Variants in EVX2 observed in about 807,000 individuals in gnomAD.
EVX2 encodes even-skipped homeobox 2, also known as homeobox even-skipped homolog protein 2.
Under a neutral mutation model 19.2 loss-of-function variants are expected in EVX2, and 10 were observed. The observed-to-expected ratio is 0.52, with a 90% CI of 0.32 to 0.89. The LOEUF (loss-of-function observed/expected upper bound fraction) is 0.89, where lower values mean the gene tolerates loss of function less well. Ranked by LOEUF, EVX2 falls within the 40% of genes least tolerant of loss-of-function variation. The pLI, the probability that EVX2 is intolerant of heterozygous loss-of-function variation, is 0.03. For synonymous variants in EVX2, 354 were observed against 328.4 expected, an observed-to-expected ratio of 1.08 and a Z score of -0.84; for missense variants, 710 against 694.9, an observed-to-expected ratio of 1.02 and a Z score of -0.24.
In EVX2 at chr2:176,082,004, C is replaced by A. The variant is rs776899638; in HGVS notation, c.699+174G>T. ...TCTTAGATCCGTCAGGCCGGACAAC[C>A]GTTCGGATTCGGTGGCCGGGAAATA... On this transcript the variant is annotated intron_variant, in intron 2 of 2. Coordinates refer to ENST00000308618, the MANE Select transcript of EVX2 (RefSeq NM_001080458.2). This position sits in a 1 kb window ranked among gnomAD's most constrained non-coding sequence, Gnocchi z 5.2. Among the ~76,000 whole-genome samples the A allele has an allele frequency of 1.3e-5, 2 of 152,222 alleles. No individual in the cohort carries two copies. The highest frequency in any genetic ancestry group is 2.9e-5 in the Non-Finnish European group (2 of 68,050).
In EVX2 at chr2:176,081,764, C is replaced by A. The variant is rs560517107; in HGVS notation, c.699+414G>T. On this transcript the variant is annotated intron_variant, in intron 2 of 2. Transcript: ENST00000308618. The surrounding 1 kb of genome is among the most constrained non-coding windows in gnomAD (Gnocchi z 5.9). Reference sequence around the variant, plus strand: ...TTTTAAAGATACAGTATCCTTTTCTCCGTGTAACGATTTATGCGGAAAATA... The same window carrying A: ...TTTTAAAGATACAGTATCCTTTTCTACGTGTAACGATTTATGCGGAAAATA... 6.6e-6 allele frequency among the ~76,000 whole-genome samples: 1 copy of A among 152,308 alleles called. No homozygotes were observed. The highest frequency in any genetic ancestry group is 1.9e-4 in the East Asian group (1 of 5,176).
rs763418729 is a variant in EVX2, at chr2:176,080,799, G to T, written c.739C>A (p.Arg247Ser). The change falls in exon 3 of 3, where the codon CGC (arginine) becomes AGC (serine). Residue 247 changes from arginine to serine, a missense_variant. Transcript: ENST00000308618. The surrounding 1 kb of genome is among the most constrained non-coding windows in gnomAD (Gnocchi z 7.0). ...GGGTGCGGCCAGGACATGGCCAGGC[G>T]CTGCCGCTTGTCCTTCATGCGCCGG... Reference protein sequence around the residue: ...QNRRMKDKRQRLAMSWPHPAD... With the variant: ...QNRRMKDKRQSLAMSWPHPAD... The T allele has an allele frequency of 6.2e-7, 1 of 1,612,110 alleles. No homozygotes were observed. Among genetic ancestry groups the T allele is most frequent in the African/African-American group, 1.3e-5 (1 of 74,998 alleles).
Position 176,082,103 on chromosome 2 carries a change from G to C in EVX2, c.699+75C>G. 7 of 1,435,278 alleles carry C rather than the reference G, an allele frequency of 4.9e-6. No homozygotes were observed. Among genetic ancestry groups the C allele is most frequent in the Non-Finnish European group, 6.4e-6 (7 of 1,091,902 alleles). 88.9% of individuals were successfully genotyped at this position (1,435,278 alleles called of 1,614,324 possible). A position where few individuals can be genotyped will look rare whatever the true frequency, so the allele number is the denominator to read the frequency against. On this transcript the variant is annotated intron_variant, in intron 2 of 2. Coordinates refer to ENST00000308618, the MANE Select transcript of EVX2 (RefSeq NM_001080458.2). This position sits in a 1 kb window ranked among gnomAD's most constrained non-coding sequence, Gnocchi z 5.2. Reference sequence around the variant, plus strand: ...TAGCTAAATCTAGCCACCCAGAAAGGGGAAAGGGGAAAAAGAAACAATCAA... The same window carrying C: ...TAGCTAAATCTAGCCACCCAGAAAGCGGAAAGGGGAAAAAGAAACAATCAA...
At position 176,080,895 on chromosome 2, in the gene EVX2, C is replaced by G; in HGVS notation, c.700-57G>C. 1.9e-6 allele frequency: 3 copies of G among 1,558,080 alleles called. No individual in the cohort carries two copies. Among genetic ancestry groups the G allele is most frequent in the Non-Finnish European group, 2.6e-6 (3 of 1,154,974 alleles). ...AGGGAGCGCCCCGTGTTCCCAGCTC[C>G]TGTCCCAGGACCTCTGCCCCTTCCG... is the stretch of plus-strand genomic sequence containing the variant. On this transcript the variant is annotated intron_variant, in intron 2 of 2. Transcript: ENST00000308618. The surrounding 1 kb of genome is among the most constrained non-coding windows in gnomAD (Gnocchi z 7.0).
Position 176,083,293 on chromosome 2 carries a change from G to T in EVX2, c.427+57C>A. 3 of 1,501,982 alleles carry T rather than the reference G, an allele frequency of 2.0e-6. No individual in the cohort carries two copies. Among genetic ancestry groups the T allele is most frequent in the South Asian group, 1.3e-5 (1 of 78,622 alleles). The allele number at this position is 1,501,982 out of a possible 1,614,324, so 93.0% of individuals were successfully genotyped here. On this transcript the variant is annotated intron_variant, in intron 1 of 2. Transcript: ENST00000308618. The surrounding 1 kb of genome is among the most constrained non-coding windows in gnomAD (Gnocchi z 4.4). ...AAGGCACCGGGAAAGGCTGGCGGGGGCCGCGGAGGAGCAAAGAGGATGGGA... is the reference window on the plus strand; with the variant it reads ...AAGGCACCGGGAAAGGCTGGCGGGGTCCGCGGAGGAGCAAAGAGGATGGGA...
At position 176,080,093 on chromosome 2, in the gene EVX2, C is replaced by T. The variant is rs889052893; in HGVS notation, c.*14G>A. 6.6e-7 allele frequency: 1 copy of T among 1,508,694 alleles called. No homozygotes were observed. The highest frequency in any genetic ancestry group is 2.1e-5 in the Admixed American group (1 of 48,112). 93.5% of individuals were successfully genotyped at this position (1,508,694 alleles called of 1,614,324 possible). Reference sequence around the variant, plus strand: ...CAGAGAGGCGGGCGCGGCCCCCTGGCGGTGGCGACGTAGTTATCTGGTGAG... The same window carrying T: ...CAGAGAGGCGGGCGCGGCCCCCTGGTGGTGGCGACGTAGTTATCTGGTGAG... On this transcript the variant is annotated 3_prime_UTR_variant, in exon 3 of 3. Coordinates refer to ENST00000308618, the MANE Select transcript of EVX2 (RefSeq NM_001080458.2). The surrounding 1 kb of genome is among the most constrained non-coding windows in gnomAD (Gnocchi z 7.0).
At position 176,079,857 on chromosome 2, in the gene EVX2, G is replaced by C; in HGVS notation, c.*250C>G. The C allele has an allele frequency of 2.7e-6, 1 of 365,098 alleles. No individual in the cohort carries two copies. Among genetic ancestry groups the C allele is most frequent in the Non-Finnish European group, 4.9e-6 (1 of 205,906 alleles). 22.6% of individuals were successfully genotyped at this position (365,098 alleles called of 1,614,324 possible). ...AAAGTGGGTCCCGGGAGCCAGAAAA[G>C]AGAGAGAAGGGCAGACGGCTGGGTG... is the stretch of plus-strand genomic sequence containing the variant. On this transcript the variant is annotated 3_prime_UTR_variant, in exon 3 of 3. Transcript: ENST00000308618. This position sits in a 1 kb window ranked among gnomAD's most constrained non-coding sequence, Gnocchi z 4.4.
In EVX2 at chr2:176,082,581, T is replaced by G; in HGVS notation, c.428-132A>C. ...CGGAATTGATGGGGTCTGTCATGCT[T>G]ACAAATTGCTGCCGTTAATGGAATC... On this transcript the variant is annotated intron_variant, in intron 1 of 2. Coordinates refer to ENST00000308618, the MANE Select transcript of EVX2 (RefSeq NM_001080458.2). The surrounding 1 kb of genome is among the most constrained non-coding windows in gnomAD (Gnocchi z 5.2). 1.0e-6 allele frequency: 1 copy of G among 985,462 alleles called. No individual in the cohort carries two copies. Among genetic ancestry groups the G allele is most frequent in the Non-Finnish European group, 1.4e-6 (1 of 713,994 alleles). 61.0% of individuals were successfully genotyped at this position (985,462 alleles called of 1,614,324 possible). A position where few individuals can be genotyped will look rare whatever the true frequency, so the allele number is the denominator to read the frequency against.
chr2:176,077,923 T>C lies in EVX2; in HGVS notation c.*2184A>G, dbSNP rs1182850114. ...TGGTATAATCAATATTTTACATAAG[T>C]AGTCTCATGTTTTTAAAAACAAAAA... On this transcript the variant is annotated 3_prime_UTR_variant, in exon 3 of 3. Transcript: ENST00000308618. 6.6e-6 allele frequency: 1 copy of C among 152,166 alleles called. No individual in the cohort carries two copies. The highest frequency in any genetic ancestry group is 1.5e-5 in the Non-Finnish European group (1 of 68,002). The allele number at this position is 152,166 out of a possible 1,614,324, so 9.4% of individuals were successfully genotyped here.
Position 176,083,242 on chromosome 2 carries a change from T to A in EVX2, c.427+108A>T. On this transcript the variant is annotated intron_variant, in intron 1 of 2. Coordinates refer to ENST00000308618, the MANE Select transcript of EVX2 (RefSeq NM_001080458.2). The surrounding 1 kb of genome is among the most constrained non-coding windows in gnomAD (Gnocchi z 4.4). ...CCGCCCGTGCTAGCTCGGTGTAGCT[T>A]GCCTGTGGAGGGTCTGAGAGGGGAA... 8.5e-7 allele frequency: 1 copy of A among 1,169,800 alleles called. No homozygotes were observed. The allele number at this position is 1,169,800 out of a possible 1,614,324, so 72.5% of individuals were successfully genotyped here.
rs1689165459 is a variant in EVX2, at chr2:176,082,616, T to A, written c.428-167A>T. On this transcript the variant is annotated intron_variant, in intron 1 of 2. Transcript: ENST00000308618. The surrounding 1 kb of genome is among the most constrained non-coding windows in gnomAD (Gnocchi z 5.2). ...TGCCGTTAATGGAATCAATAAAGTT[T>A]GGGGAGCCCTTCATAAGCAAATAAT... Among the ~76,000 whole-genome samples, 1 of 152,270 alleles carries A rather than the reference T, an allele frequency of 6.6e-6. No individual in the cohort carries two copies. Among genetic ancestry groups the A allele is most frequent in the South Asian group, 2.1e-4 (1 of 4,832 alleles).
Position 176,080,636 on chromosome 2 carries a change from G to T in EVX2, c.902C>A (p.Ala301Asp). 1.3e-6 allele frequency: 2 copies of T among 1,555,640 alleles called. No individual in the cohort carries two copies. Among genetic ancestry groups the T allele is most frequent in the Non-Finnish European group, 1.7e-6 (2 of 1,160,064 alleles). Residue 301 changes from alanine (A) to aspartate (D), a missense_variant, in exon 3 of 3, where the codon GCC becomes GAC. Ala to Asp is a moderately radical substitution (Grantham distance 126, BLOSUM62 -2). Transcript: ENST00000308618. This position sits in a 1 kb window ranked among gnomAD's most constrained non-coding sequence, Gnocchi z 7.0. The part of the protein sequence containing the change: ...GVTAAAAAAA[A>D]SGAAAAASSP... ...CGAAGCCGCGGCCGCCGCGCCTGAG[G>T]CTGCAGCCGCGGCCGCCGCCGCCGT...
Position 176,083,622 on chromosome 2 carries a change from C to T in EVX2, c.155G>A (p.Arg52His), listed in dbSNP as rs1476865244. 1.2e-6 allele frequency: 2 copies of T among 1,614,160 alleles called. No homozygotes were observed. The highest frequency in any genetic ancestry group is 4.5e-5 in the East Asian group (2 of 44,880). ...GCTGTGCAGGGGGGCAGACGGCAGG[C>T]GCGGGCTTAGGCGAGCCGGGTGCTG... Reference protein sequence around the residue: ...NSQHPARLSPRLPSAPLHSAL... With the variant: ...NSQHPARLSPHLPSAPLHSAL... The change falls in exon 1 of 3, where the codon CGC becomes CAC. Residue 52 changes from arginine (R) to histidine (H), a missense_variant. Transcript: ENST00000308618. This position sits in a 1 kb window ranked among gnomAD's most constrained non-coding sequence, Gnocchi z 4.4.
In EVX2 at chr2:176,080,684, T is replaced by G. The variant is rs1274779937; in HGVS notation, c.854A>C (p.His285Pro). Residue 285 changes from histidine (H) to proline (P), a missense_variant, in exon 3 of 3, where the codon CAC becomes CCC. Transcript: ENST00000308618. This position sits in a 1 kb window ranked among gnomAD's most constrained non-coding sequence, Gnocchi z 7.0. ...PYPFHSHVPL[H>P]YYPHVGVTAA... ...CGTGACGCCCACGTGCGGGTAGTAG[T>G]GCAGCGGCACGTGCGAGTGGAAGGG... is the stretch of plus-strand genomic sequence containing the variant. 1 of 1,599,906 alleles carries G rather than the reference T, an allele frequency of 6.3e-7. No homozygotes were observed. The highest frequency in any genetic ancestry group is 8.5e-7 in the Non-Finnish European group (1 of 1,177,992).
chr2:176,083,381 G>T lies in EVX2; in HGVS notation c.396C>A (p.Gly132=), dbSNP rs1404037937. 6.2e-7 allele frequency: 1 copy of T among 1,607,264 alleles called. No homozygotes were observed. The highest frequency in any genetic ancestry group is 2.2e-5 in the East Asian group (1 of 44,552). ...CSALRSPGGL[G]AAQLKENNGK... is the part of the protein sequence containing the mutation. ...CATTGTTTTCCTTAAGCTGAGCGGC[G>T]CCGAGGCCCCCGGGGGAGCGAAGCG... The change falls in exon 1 of 3, where the codon GGC becomes GGA. Residue 132 remains glycine (G), a synonymous_variant. Coordinates refer to ENST00000308618, the MANE Select transcript of EVX2 (RefSeq NM_001080458.2). This position sits in a 1 kb window ranked among gnomAD's most constrained non-coding sequence, Gnocchi z 4.4.
chr2:176,080,340 C>T lies in EVX2; in HGVS notation c.1198G>A (p.Ala400Thr). The change falls in exon 3 of 3, where the codon GCA becomes ACA. Residue 400 changes from alanine to threonine, a missense_variant. Ala to Thr is a moderately conservative substitution (Grantham distance 58). Coordinates refer to ENST00000308618, the MANE Select transcript of EVX2 (RefSeq NM_001080458.2). The surrounding 1 kb of genome is among the most constrained non-coding windows in gnomAD (Gnocchi z 7.0). ...LSCHSSQSAA[A>T]AAAAAAAALG... ...GCTGCGGCAGCTGCTGCCGCGGCTGCCGCCGCCGACTGACTGCTGTGGCAA... is the reference window on the plus strand; with the variant it reads ...GCTGCGGCAGCTGCTGCCGCGGCTGTCGCCGCCGACTGACTGCTGTGGCAA... 1 of 1,267,890 alleles carries T rather than the reference C, an allele frequency of 7.9e-7. No homozygotes were observed. The highest frequency in any genetic ancestry group is 1.9e-5 in the South Asian group (1 of 52,804). The allele number at this position is 1,267,890 out of a possible 1,614,324, so 78.5% of individuals were successfully genotyped here.
In EVX2 at chr2:176,082,526, G is replaced by A. The variant is rs1689164525; in HGVS notation, c.428-77C>T. 2 of 1,470,826 alleles carry A rather than the reference G, an allele frequency of 1.4e-6. No homozygotes were observed. Among genetic ancestry groups the A allele is most frequent in the African/African-American group, 1.5e-5 (1 of 68,516 alleles). 91.1% of individuals were successfully genotyped at this position (1,470,826 alleles called of 1,614,324 possible). Reference sequence around the variant, plus strand: ...GGCGCTGGCGCTGCGCGCGGATCGGGGAAGCCCCGTCAGGAAGGAGAGTCG... The same window carrying A: ...GGCGCTGGCGCTGCGCGCGGATCGGAGAAGCCCCGTCAGGAAGGAGAGTCG... On this transcript the variant is annotated intron_variant, in intron 1 of 2. Transcript: ENST00000308618. This position sits in a 1 kb window ranked among gnomAD's most constrained non-coding sequence, Gnocchi z 5.2.
chr2:176,082,174 A>G lies in EVX2; in HGVS notation c.699+4T>C. ...CCAGAGCAGGCATGCACTGGAATTGATACCTTGATGGTGGTTTCGGGCAGG... is the reference window on the plus strand; with the variant it reads ...CCAGAGCAGGCATGCACTGGAATTGGTACCTTGATGGTGGTTTCGGGCAGG... On this transcript the variant is annotated splice_donor_region_variant and intron_variant, in intron 2 of 2. Coordinates refer to ENST00000308618, the MANE Select transcript of EVX2 (RefSeq NM_001080458.2). The surrounding 1 kb of genome is among the most constrained non-coding windows in gnomAD (Gnocchi z 5.2). The G allele has an allele frequency of 6.3e-7, 1 of 1,575,784 alleles. No individual in the cohort carries two copies. Among genetic ancestry groups the G allele is most frequent in the Non-Finnish European group, 8.6e-7 (1 of 1,160,924 alleles).
At position 176,080,193 on chromosome 2, in the gene EVX2, C is replaced by T. The variant is rs1236929701; in HGVS notation, c.1345G>A (p.Gly449Ser). 2.0e-6 allele frequency: 3 copies of T among 1,485,418 alleles called. No individual in the cohort carries two copies. Among genetic ancestry groups the T allele is most frequent in the South Asian group, 2.6e-5 (2 of 78,254 alleles). 92.0% of individuals were successfully genotyped at this position (1,485,418 alleles called of 1,614,324 possible). ...ACCGCGGCCGAGTAGGGCAGGAAGCCGCTCTCGGAACGCGGCGCCGCCGCG... is the reference window on the plus strand; with the variant it reads ...ACCGCGGCCGAGTAGGGCAGGAAGCTGCTCTCGGAACGCGGCGCCGCCGCG... Reference protein sequence around the residue: ...CSAAAPRSESGFLPYSAAVLS... With the variant: ...CSAAAPRSESSFLPYSAAVLS... Residue 449 changes from glycine (G) to serine (S), a missense_variant, in exon 3 of 3, where the codon GGC (glycine) becomes AGC (serine). By Grantham distance (56) the Gly-to-Ser change is moderately conservative. Coordinates refer to ENST00000308618, the MANE Select transcript of EVX2 (RefSeq NM_001080458.2). The surrounding 1 kb of genome is among the most constrained non-coding windows in gnomAD (Gnocchi z 7.0).
Sources: allele counts gnomAD v4.1 joint callset (sites outside exome capture counted in the v4.1 genomes callset), GRCh38; gene constraint gnomAD v4.1.1; non-coding constraint Gnocchi (gnomAD v3.1); transcripts MANE v1.5; gene names NCBI Gene and HGNC (gene_info 2026-07-23, HGNC 2026-07-21).